WWOX: variants seen among roughly 807,000 people sequenced by gnomAD.
The protein encoded by WWOX is WW domain containing oxidoreductase.
In WWOX, 69 loss-of-function variants were observed where a neutral mutation model predicts 46.2. That is an observed-to-expected ratio of 1.49 (90% CI 1.23 to 1.82). The LOEUF (loss-of-function observed/expected upper bound fraction) is 1.82, where lower values mean the gene tolerates loss of function less well. Ranked by LOEUF, WWOX falls within the 40% of genes most tolerant of loss-of-function variation. The pLI, the probability that WWOX is intolerant of heterozygous loss-of-function variation, is 0.00. For synonymous variants in WWOX, 359 were observed against 202.6 expected (o/e 1.77, Z -6.56); for missense variants, 919 against 542.6 (o/e 1.69, Z -6.89).
intron 5 of WWOX, among the ~76,000 whole-genome samples, chr16:78,275,847 G>A (rs2079566476): frequency 6.6e-6 from 1 of 152,130 alleles, no homozygotes; most frequent in African/African-American, 2.4e-5. Flanking sequence ...AGCATGTCTG[G>A]TCCCAAAGTG....
intron 4 of WWOX, among the ~76,000 whole-genome samples, chr16:78,121,895 A>G (rs1164277681): frequency 6.6e-6 from 1 of 152,058 alleles, no homozygotes; most frequent in Non-Finnish European, 1.5e-5. Context: ...TCCTGACATT[A>G]GGCAATCTGC....
At position 78,373,363 on chromosome 16, in the gene WWOX, C is replaced by A. The variant is rs543784098; in HGVS notation, c.517-13497C>A. On this transcript the variant is annotated intron_variant, in intron 5 of 8. Coordinates refer to ENST00000566780, the MANE Select transcript of WWOX (RefSeq NM_016373.4). ...ATTTCATTTAGTGGCTGTATTGTCC[C>A]CTAGGAACTTATTATAACTTAACGT... Among the ~76,000 whole-genome samples the A allele has an allele frequency of 2.0e-5, 3 of 152,110 alleles. No individual in the cohort carries two copies. In the East Asian group the frequency reaches 5.8e-4, roughly 29 times the overall value.
intron 8 of WWOX, among the ~76,000 whole-genome samples, chr16:78,580,380 A>C (rs141808538): frequency 6.6e-6 from 1 of 152,172 alleles, no homozygotes; most frequent in African/African-American, 2.4e-5. Flanking sequence ...GGCCTCCAAC[A>C]GAGGATTTCA....
intron 5 of WWOX, among the ~76,000 whole-genome samples, chr16:78,304,142 T>A (rs1339146219): frequency 6.6e-6 from 1 of 152,158 alleles, no homozygotes; most frequent in Non-Finnish European, 1.5e-5. Context: ...AGTGTTTCCT[T>A]CCCGTGGCCT....
At chr16:78,695,350 C>T (rs2048076656) in intron 8 of WWOX, among the ~76,000 whole-genome samples, 1 of 152,106 alleles carries the variant, frequency 6.6e-6, no homozygotes, top group Non-Finnish European at 1.5e-5. Context: ...TATGTCCCTC[C>T]CTCATTTTTT....
intron 8 of WWOX, among the ~76,000 whole-genome samples, chr16:78,731,369 C>T (rs2048965102): frequency 6.6e-6 from 1 of 152,140 alleles, no homozygotes; most frequent in South Asian, 2.1e-4. Context: ...TTATAGATTG[C>T]ATGACTTCAA....
chr16:78,924,670 A>G (rs957855747), intron 8 of WWOX, among the ~76,000 whole-genome samples: 8 of 152,240 alleles, frequency 5.3e-5, no homozygotes, highest in African/African-American at 1.9e-4. Flanking sequence ...TTCAACATTT[A>G]TTAGTTGGCT....
chr16:78,663,680 T>C (rs559171372), intron 8 of WWOX, among the ~76,000 whole-genome samples: 1 of 152,218 alleles, frequency 6.6e-6, no homozygotes, highest in Non-Finnish European at 1.5e-5. Flanking sequence ...ATGTCTGACA[T>C]CATTTAAATA....
intron 8 of WWOX, among the ~76,000 whole-genome samples, chr16:78,846,163 G>C (rs143811113): frequency 6.6e-6 from 1 of 152,186 alleles, no homozygotes; most frequent in East Asian, 1.9e-4. Flanking sequence ...AATAAATGTT[G>C]GCTTACAGAA....
intron 8 of WWOX, among the ~76,000 whole-genome samples, chr16:79,155,480 A>G (rs1056596742): frequency 6.6e-6 from 1 of 152,214 alleles, no homozygotes; most frequent in African/African-American, 2.4e-5. Flanking sequence ...TTCATATAGC[A>G]TTTAAAATGT....
At chr16:78,931,119 A>C (rs1327052135) in intron 8 of WWOX, among the ~76,000 whole-genome samples, 1 of 152,214 alleles carries the variant, frequency 6.6e-6, no homozygotes, top group Non-Finnish European at 1.5e-5. Context: ...AGTGAAAGCA[A>C]AATAAAAGGT....
chr16:78,923,650 G>A (rs2045430539), intron 8 of WWOX, among the ~76,000 whole-genome samples: 1 of 151,852 alleles, frequency 6.6e-6, no homozygotes, highest in Admixed American at 6.6e-5. Flanking sequence ...AATAATATAT[G>A]GCTTTTTCCT....
In WWOX at chr16:79,028,152, T is replaced by C. The variant is rs180866790; in HGVS notation, c.1057-183456T>C. Among the ~76,000 whole-genome samples, 661 of 151,778 alleles carry C rather than the reference T, an allele frequency of 4.4e-3. 15 individuals carry two copies. The highest frequency in any genetic ancestry group is 0.014 in the African/African-American group (591 of 41,122). On this transcript the variant is annotated intron_variant, in intron 8 of 8. Transcript: ENST00000566780. ...TTTCAGCAGAGACGGGGTTTCACCG[T>C]GTTACCCAGGATGGTCTCGATCTCC...
chr16:78,341,492 T>G lies in WWOX; in HGVS notation c.517-45368T>G, dbSNP rs1305406342. ...AAGCTTGTCTTAGACGTGAGTATTA[T>G]GTTTTATTTTGCTGGGAGAACAATT... On this transcript the variant is annotated intron_variant, in intron 5 of 8. Transcript: ENST00000566780. Among the ~76,000 whole-genome samples, 2 of 121,074 alleles carry G rather than the reference T, an allele frequency of 1.7e-5. 1 individual carries two copies. Among genetic ancestry groups the G allele is most frequent in the Non-Finnish European group, 3.9e-5 (2 of 50,724 alleles). The allele number at this position is 121,074 out of a possible 152,430, so 79.4% of individuals were successfully genotyped here.
intron 8 of WWOX, among the ~76,000 whole-genome samples, chr16:78,696,800 T>C (rs1264562741): frequency 2.6e-5 from 4 of 152,046 alleles, no homozygotes; most frequent in Admixed American, 6.5e-5. Flanking sequence ...TGTACTCCTT[T>C]ATGCCTCACC....
intron 8 of WWOX, among the ~76,000 whole-genome samples, chr16:78,516,089 G>A (rs184941546): frequency 4.5e-4 from 69 of 151,880 alleles, no homozygotes; most frequent in Admixed American, 4.0e-3. Flanking sequence ...TATTGAAACC[G>A]TGCAAATGAA....
In WWOX at chr16:78,564,525, G is replaced by C. The variant is rs147865890; in HGVS notation, c.1056+131773G>C. ...GGCAGGATCTAATGGGAGGGGTAGA[G>C]AGTGAGTGTTAACACACAGAGAACC... On this transcript the variant is annotated intron_variant, in intron 8 of 8. Coordinates refer to ENST00000566780, the MANE Select transcript of WWOX (RefSeq NM_016373.4). Among the ~76,000 whole-genome samples the C allele has an allele frequency of 1.5e-3, 230 of 152,316 alleles. 3 individuals are homozygous for C. The highest frequency in any genetic ancestry group is 5.3e-3 in the African/African-American group (222 of 41,580).
At chr16:78,775,850 C>T (rs892636683) in intron 8 of WWOX, among the ~76,000 whole-genome samples, 1 of 152,194 alleles carries the variant, frequency 6.6e-6, no homozygotes, top group Non-Finnish European at 1.5e-5. Context: ...TCCGTTTTAA[C>T]CCTGTCTTAT....
intron 4 of WWOX, among the ~76,000 whole-genome samples, chr16:78,145,636 G>A (rs901686853): frequency 4.6e-5 from 7 of 152,036 alleles, no homozygotes; most frequent in African/African-American, 9.7e-5. Flanking sequence ...GGAAACACCC[G>A]CACAGACACA....
Sources: gnomAD v4.1 joint callset for allele counts (sites outside exome capture counted in the v4.1 genomes callset) on GRCh38, gnomAD v4.1.1 for gene constraint, MANE v1.5 for transcripts, NCBI Gene and HGNC (gene_info 2026-07-23, HGNC 2026-07-21) for gene names.